STXBP6: variants seen among roughly 807,000 people sequenced by gnomAD.
STXBP6 encodes syntaxin binding protein 6, also known as syntaxin-binding protein 6.
A neutral mutation model predicts 26.9 loss-of-function variants in STXBP6; 21 were observed. That is an observed-to-expected ratio of 0.78 (90% CI 0.55 to 1.12). The LOEUF is 1.12. Ranked by LOEUF, STXBP6 falls within the 50% of genes most tolerant of loss-of-function variation. The probability of loss-of-function intolerance (pLI) is 0.00; values close to 1 mark genes in which losing one functional copy is unlikely to be tolerated. For synonymous variants in STXBP6, 97 were observed against 92.6 expected (o/e 1.05, Z -0.27); for missense variants, 232 against 257.9 (o/e 0.90, Z 0.69).
At chr14:24,900,227 G>A (rs2071164209) in intron 2 of STXBP6, among the ~76,000 whole-genome samples, 1 of 152,108 alleles carries the variant, frequency 6.6e-6, no homozygotes, top group African/African-American at 2.4e-5. Context: ...TGAAATCCTA[G>A]GGCTAGCAGA....
chr14:24,880,021 T>C (rs924858176), intron 2 of STXBP6, among the ~76,000 whole-genome samples: 1 of 152,210 alleles, frequency 6.6e-6, no homozygotes, highest in Admixed American at 6.5e-5. Context: ...TCTACCACTA[T>C]GTTCGACAGT....
intron 1 of STXBP6, among the ~76,000 whole-genome samples, chr14:25,034,904 A>G (rs2075523857): frequency 6.6e-6 from 1 of 152,150 alleles, no homozygotes; most frequent in African/African-American, 2.4e-5. Context: ...TAATCCCAGC[A>G]CTTTGGGAGG....
At chr14:24,889,299 A>G (rs2070703729) in intron 2 of STXBP6, among the ~76,000 whole-genome samples, 1 of 146,034 alleles carries the variant, frequency 6.8e-6, no homozygotes, top group African/African-American at 2.6e-5. Flanking sequence ...ACTTAAAAAC[A>G]ACAACAACAA....
chr14:24,889,575 T>TAAA (rs1555320725), intron 2 of STXBP6, among the ~76,000 whole-genome samples: 4 of 147,376 alleles, frequency 2.7e-5, no homozygotes, highest in Admixed American at 6.7e-5. Flanking sequence ...AATAATAAAA[T>TAAA]AAAAAAAGAA....
chr14:24,841,000 A>G (rs1308886270), intron 4 of STXBP6, among the ~76,000 whole-genome samples: 1 of 152,212 alleles, frequency 6.6e-6, no homozygotes, highest in African/African-American at 2.4e-5. Flanking sequence ...AGTAATTTTA[A>G]AATAATCATT....
intron 1 of STXBP6, among the ~76,000 whole-genome samples, chr14:24,998,436 T>C (rs2074664505): frequency 6.6e-6 from 1 of 152,160 alleles, no homozygotes; most frequent in African/African-American, 2.4e-5. Flanking sequence ...ATTACAGAAA[T>C]ATTGGAAATA....
chr14:24,849,735 T>A (rs2069082202), intron 4 of STXBP6, among the ~76,000 whole-genome samples: 1 of 152,158 alleles, frequency 6.6e-6, no homozygotes, highest in African/African-American at 2.4e-5. Context: ...GTGAATCAGC[T>A]AAGAAGCCTG....
intron 2 of STXBP6, among the ~76,000 whole-genome samples, chr14:24,866,861 T>G (rs2069741339): frequency 6.6e-6 from 1 of 151,868 alleles, no homozygotes; most frequent in Admixed American, 6.6e-5. Context: ...TAATGCTATC[T>G]CAATCAAAAT....
chr14:24,819,308 G>T, intron 4 of STXBP6, 114 bp from the exon 5 acceptor site: 6 of 1,211,412 alleles, frequency 5.0e-6, no homozygotes, highest in Non-Finnish European at 7.2e-6. Flanking sequence ...CAGAAAGGCC[G>T]CTCGTCTAGT....
intron 2 of STXBP6, among the ~76,000 whole-genome samples, chr14:24,881,851 G>C (rs543693185): frequency 6.6e-6 from 1 of 152,222 alleles, no homozygotes; most frequent in Non-Finnish European, 1.5e-5. Context: ...TGGCTGGAGC[G>C]AAGATGTGCA....
chr14:24,950,653 C>G (rs2073132992), intron 2 of STXBP6, among the ~76,000 whole-genome samples: 1 of 152,132 alleles, frequency 6.6e-6, no homozygotes, highest in Non-Finnish European at 1.5e-5. Context: ...TGCTAAAGAT[C>G]AAGATAACGG....
chr14:24,990,118 G>A (rs566082445), intron 1 of STXBP6, among the ~76,000 whole-genome samples: 95 of 152,280 alleles, frequency 6.2e-4, no homozygotes, highest in Admixed American at 1.0e-3. Context: ...ATAAGGATTG[G>A]CTTACATTGG....
At chr14:24,817,403 T>C (rs1299144708) in intron 5 of STXBP6, 1 of 152,272 alleles carries the variant, frequency 6.6e-6, no homozygotes, top group Non-Finnish European at 1.5e-5. Flanking sequence ...TAACCTAAAC[T>C]CTTGTTTTAG....
chr14:24,971,622 C>T (rs1224129722), intron 2 of STXBP6, among the ~76,000 whole-genome samples: 1 of 152,120 alleles, frequency 6.6e-6, no homozygotes, highest in Non-Finnish European at 1.5e-5. Context: ...AATTCAAAAT[C>T]CTGCTTAGTT....
chr14:24,885,479 G>A (rs1417622799), intron 2 of STXBP6, among the ~76,000 whole-genome samples: 1 of 152,202 alleles, frequency 6.6e-6, no homozygotes. Flanking sequence ...GGATAGACAG[G>A]CCTTAAAGCC....
rs571947807 is a variant in STXBP6 at position 24,904,817 on chromosome 14, C to T, written c.155-47660G>A. Reference sequence around the variant, plus strand: ...GGAAGAAAAATTTCTGTTGTTTAAGCCATCCAATCTGTGGTATTCTGGATA... The same window carrying T: ...GGAAGAAAAATTTCTGTTGTTTAAGTCATCCAATCTGTGGTATTCTGGATA... On this transcript the variant is annotated intron_variant, in intron 2 of 5. Coordinates refer to ENST00000323944, the MANE Select transcript of STXBP6 (RefSeq NM_001394410.1). 7.0e-4 allele frequency among the ~76,000 whole-genome samples: 106 copies of T among 152,310 alleles called. 1 individual carries two copies. The highest frequency in any genetic ancestry group is 2.5e-3 in the African/African-American group (103 of 41,566).
chr14:24,830,872 A>G (rs2068437157), intron 4 of STXBP6, among the ~76,000 whole-genome samples: 1 of 152,202 alleles, frequency 6.6e-6, no homozygotes, highest in African/African-American at 2.4e-5. Flanking sequence ...AAACTGAAAA[A>G]GCAAGGTGAA....
intron 2 of STXBP6, among the ~76,000 whole-genome samples, chr14:24,950,462 G>A (rs555932112): frequency 3.9e-5 from 6 of 152,170 alleles, no homozygotes; most frequent in South Asian, 2.1e-4. Flanking sequence ...AAAATATAGC[G>A]GTATGTTTTT....
intron 1 of STXBP6, among the ~76,000 whole-genome samples, chr14:25,002,978 C>T (rs904059996): frequency 2.6e-5 from 4 of 152,084 alleles, no homozygotes; most frequent in African/African-American, 7.2e-5. Flanking sequence ...CCACCCGCCT[C>T]GGCCTCTCAA....
Sources: allele counts gnomAD v4.1 joint callset (sites outside exome capture counted in the v4.1 genomes callset), GRCh38; gene constraint gnomAD v4.1.1; transcripts MANE v1.5; gene names NCBI Gene and HGNC (gene_info 2026-07-23, HGNC 2026-07-21).